The following SPTLC3 variants were observed in gnomAD, a reference collection of about 807,000 sequenced individuals.
SPTLC3 encodes the protein serine palmitoyltransferase 3.
In SPTLC3, 36 loss-of-function variants were observed where a neutral mutation model predicts 59.3. That is an observed-to-expected ratio of 0.61 (90% CI 0.47 to 0.80). SPTLC3 has a LOEUF of 0.80. SPTLC3 is among the 30% of genes least tolerant of loss of function. The pLI, the probability that SPTLC3 is intolerant of heterozygous loss-of-function variation, is 0.00. For missense variants in SPTLC3, 625 were observed against 685.1 expected (o/e 0.91, Z 0.98); for synonymous variants, 257 against 240.8 (o/e 1.07, Z -0.62).
intron 9 of SPTLC3, among the ~76,000 whole-genome samples, chr20:13,136,962 A>C (rs2038261681): frequency 6.6e-6 from 1 of 152,124 alleles, no homozygotes; most frequent in Non-Finnish European, 1.5e-5. Context: ...TTCCATAGGA[A>C]GAAAAAGCTT....
intron 9 of SPTLC3, among the ~76,000 whole-genome samples, chr20:13,148,782 G>A (rs771011586): frequency 4.8e-4 from 73 of 152,202 alleles, no homozygotes; most frequent in Non-Finnish European, 5.3e-4. Flanking sequence ...TAATGGGTCT[G>A]GGGTGCAGCC....
chr20:13,160,363 G>A (rs2038870666), intron 11 of SPTLC3, among the ~76,000 whole-genome samples: 1 of 152,150 alleles, frequency 6.6e-6, no homozygotes, highest in Admixed American at 6.5e-5. Flanking sequence ...TCAGTGTTTT[G>A]GTTTCCTACA....
At chr20:13,072,512 C>A in intron 3 of SPTLC3, 102 bp downstream of exon 3, 1 of 1,314,750 alleles carries the variant, frequency 7.6e-7, no homozygotes, top group Non-Finnish European at 1.0e-6. Flanking sequence ...GGCATGGAAG[C>A]CATTGGTTTT....
chr20:13,091,236 A>G (rs1989204356), intron 5 of SPTLC3, 29 bp downstream of exon 5: 3 of 1,609,142 alleles, frequency 1.9e-6, no homozygotes, highest in Admixed American at 1.7e-5. Flanking sequence ...ATTGTCTTCT[A>G]CTGTATTACT....
intron 2 of SPTLC3, among the ~76,000 whole-genome samples, chr20:13,069,109 A>G (rs975953912): frequency 7.2e-5 from 11 of 152,156 alleles, no homozygotes; most frequent in Admixed American, 3.9e-4. Flanking sequence ...CAAGTTCCCT[A>G]TGACTAAAGG....
rs1312703304 is a variant in SPTLC3, at chr20:13,082,605, GCAA to G, written c.607+8116_607+8118del. Reference sequence around the variant, plus strand: ...TTTACAATAGCAGAGTTGAATAGTTGCAACAACAACCATATGGCCTGCAAAGCC... The same window carrying G: ...TTTACAATAGCAGAGTTGAATAGTTGCAACAACCATATGGCCTGCAAAGCC... On this transcript the variant is annotated intron_variant, in intron 4 of 11. Transcript: ENST00000399002. Among the ~76,000 whole-genome samples the G allele has an allele frequency of 4.6e-5, 7 of 152,270 alleles. No individual in the cohort carries two copies. In the East Asian group the frequency reaches 1.4e-3, roughly 29 times the overall value.
intron 2 of SPTLC3, among the ~76,000 whole-genome samples, chr20:13,064,316 T>C (rs1395782436): frequency 6.8e-6 from 1 of 147,666 alleles, no homozygotes; most frequent in African/African-American, 2.5e-5. Flanking sequence ...TGTTTTTGTT[T>C]TTGTTTTTGT....
rs190027946 is a variant in SPTLC3 at position 13,168,368 on chromosome 20, A to T, written c.*3501A>T. 2 of 152,236 alleles carry T rather than the reference A, an allele frequency of 1.3e-5. No individual in the cohort carries two copies. Among genetic ancestry groups the T allele is most frequent in the Non-Finnish European group, 2.9e-5 (2 of 68,062 alleles). 9.4% of individuals were successfully genotyped at this position (152,236 alleles called of 1,614,324 possible). A position where few individuals can be genotyped will look rare whatever the true frequency, so the allele number is the denominator to read the frequency against. ...ATGGCTAATTTTCTATTTTTAGTAG[A>T]GACAAGGTTTTTCCCTGTTGGTCAG... is the stretch of plus-strand genomic sequence containing the variant. On this transcript the variant is annotated 3_prime_UTR_variant, in exon 12 of 12. Coordinates refer to ENST00000399002, the MANE Select transcript of SPTLC3 (RefSeq NM_018327.4).
intron 4 of SPTLC3, among the ~76,000 whole-genome samples, chr20:13,076,116 T>C (rs1988637363): frequency 6.6e-6 from 1 of 152,230 alleles, no homozygotes; most frequent in Non-Finnish European, 1.5e-5. Context: ...TTTAACATTT[T>C]TCAAGTAAAT....
intron 4 of SPTLC3, among the ~76,000 whole-genome samples, chr20:13,085,703 A>G (rs757387114): frequency 2.0e-5 from 3 of 152,236 alleles, no homozygotes; most frequent in Non-Finnish European, 4.4e-5. Flanking sequence ...ATCTCTGACT[A>G]AAGAGTATGA....
At chr20:13,109,068 A>G (rs1021344551) in intron 6 of SPTLC3, among the ~76,000 whole-genome samples, 14 of 152,222 alleles carry the variant, frequency 9.2e-5, no homozygotes, top group African/African-American at 3.1e-4. Flanking sequence ...CTAGGCTTAA[A>G]TGTTAAAAAC....
chr20:13,095,266 C>T (rs560583881), intron 6 of SPTLC3, among the ~76,000 whole-genome samples: 106 of 152,290 alleles, frequency 7.0e-4, no homozygotes, highest in Middle Eastern at 3.4e-3. Flanking sequence ...TGTGGTTAAA[C>T]GTGATAATCT....
chr20:13,107,674 C>A (rs1989980449), intron 6 of SPTLC3, among the ~76,000 whole-genome samples: 1 of 152,006 alleles, frequency 6.6e-6, no homozygotes, highest in African/African-American at 2.4e-5. Flanking sequence ...TTCACGGGTC[C>A]TTACGATCTT....
At chr20:13,163,972 T>C (rs1393843625) in intron 11 of SPTLC3, among the ~76,000 whole-genome samples, 1 of 152,166 alleles carries the variant, frequency 6.6e-6, no homozygotes, top group Non-Finnish European at 1.5e-5. Context: ...GTTACATATG[T>C]ATACATGTGC....
At chr20:13,146,606 T>C (rs1174584899) in intron 9 of SPTLC3, among the ~76,000 whole-genome samples, 1 of 152,152 alleles carries the variant, frequency 6.6e-6, no homozygotes, top group Non-Finnish European at 1.5e-5. Flanking sequence ...CAGGAAGCAA[T>C]AATACTATGC....
At chr20:13,040,324 T>C (rs1216692272) in intron 1 of SPTLC3, among the ~76,000 whole-genome samples, 1 of 152,138 alleles carries the variant, frequency 6.6e-6, no homozygotes, top group African/African-American at 2.4e-5. Flanking sequence ...CTTTTAAAAT[T>C]ATTTAATAGT....
chr20:13,131,291 TAG>T (rs2038115182), intron 9 of SPTLC3, among the ~76,000 whole-genome samples: 1 of 152,206 alleles, frequency 6.6e-6, no homozygotes, highest in Non-Finnish European at 1.5e-5. Context: ...TCAGAGAAGA[TAG>T]AGTTTGTATG....
intron 4 of SPTLC3, among the ~76,000 whole-genome samples, chr20:13,077,923 G>A (rs1988703375): frequency 6.6e-6 from 1 of 151,644 alleles, no homozygotes; most frequent in African/African-American, 2.4e-5. Flanking sequence ...TGGGATTATA[G>A]GGAGGAGCCA....
At chr20:13,024,321 A>G (rs1342371086) in intron 1 of SPTLC3, among the ~76,000 whole-genome samples, 2 of 152,172 alleles carry the variant, frequency 1.3e-5, no homozygotes, top group African/African-American at 2.4e-5. Context: ...AAAACCTTAT[A>G]TAATTCTAAA....
Sources: gnomAD v4.1 joint callset for allele counts (sites outside exome capture counted in the v4.1 genomes callset) on GRCh38, gnomAD v4.1.1 for gene constraint, MANE v1.5 for transcripts, NCBI Gene and HGNC (gene_info 2026-07-23, HGNC 2026-07-21) for gene names.